The following ATP8A2 variants were observed in gnomAD, a reference collection of about 807,000 sequenced individuals.
The protein encoded by ATP8A2 is ATPase phospholipid transporting 8A2.
In ATP8A2, 100 loss-of-function variants were observed where a neutral mutation model predicts 165.6. The ratio of observed to expected loss-of-function variants is 0.60; its 90% CI spans 0.51 to 0.71. ATP8A2 has a LOEUF of 0.71. Among genes scored for constraint, ATP8A2 ranks in the 30% least tolerant of loss-of-function variants. The pLI, the probability that ATP8A2 is intolerant of heterozygous loss-of-function variation, is 0.00. For synonymous variants in ATP8A2, 543 were observed against 548.8 expected, an observed-to-expected ratio of 0.99 and a Z score of 0.15; for missense variants, 1,227 against 1,479.5, an observed-to-expected ratio of 0.83 and a Z score of 2.80.
At chr13:25,540,503 C>A in intron 8 of ATP8A2, 115 bp downstream of exon 8, 1 of 753,186 alleles carries the variant, frequency 1.3e-6, no homozygotes, top group Non-Finnish European at 2.3e-6. Flanking sequence ...TATGCCTTAG[C>A]CCTAATGGAA....
At chr13:25,500,138 C>T (rs2036808389) in intron 2 of ATP8A2, among the ~76,000 whole-genome samples, 1 of 152,106 alleles carries the variant, frequency 6.6e-6, no homozygotes, top group Non-Finnish European at 1.5e-5. Flanking sequence ...ATTGCCTGCT[C>T]CCTTCTTATC....
Position 25,530,594 on chromosome 13 carries a change from T to G in ATP8A2, c.354T>G (p.Tyr118Ter). The G allele has an allele frequency of 6.3e-7, 1 of 1,591,256 alleles. No homozygotes were observed. Among genetic ancestry groups the G allele is most frequent in the Non-Finnish European group, 8.6e-7 (1 of 1,165,508 alleles). ...CAGATGTATCTCCAACAGGAAGATA[T>G]ACCACCCTGGTGCCATTGATCATTA... ...QIPDVSPTGR[Y>*]TTLVPLIIIL... Residue 118 changes from tyrosine to a stop codon, truncating the protein, a stop_gained, in exon 4 of 37, where the codon TAT (tyrosine) becomes TAG (stop). Transcript: ENST00000381655. LOFTEE classifies it high-confidence loss of function.
chr13:25,402,053 G>A (rs1355442928), intron 1 of ATP8A2, among the ~76,000 whole-genome samples: 1 of 152,018 alleles, frequency 6.6e-6, no homozygotes, highest in Non-Finnish European at 1.5e-5. Context: ...AGGGCTACTT[G>A]AATCCTAGCA....
chr13:25,674,043 C>T (rs1490085881), intron 24 of ATP8A2, among the ~76,000 whole-genome samples: 1 of 152,136 alleles, frequency 6.6e-6, no homozygotes, highest in Non-Finnish European at 1.5e-5. Flanking sequence ...TTTGGTTCCA[C>T]CATGGCTACA....
chr13:25,648,762 T>C (rs4438155), intron 24 of ATP8A2, among the ~76,000 whole-genome samples: 150,693 of 152,336 alleles, frequency 0.99, 74,547 homozygotes, highest in East Asian at 1. Flanking sequence ...ACATGTAATA[T>C]GTAATGCAAT....
intron 1 of ATP8A2, among the ~76,000 whole-genome samples, chr13:25,375,903 G>T (rs1300679732): frequency 6.6e-6 from 1 of 152,060 alleles, no homozygotes; most frequent in Non-Finnish European, 1.5e-5. Context: ...TGCCCCTGGA[G>T]CCCTCCTCTA....
intron 2 of ATP8A2, among the ~76,000 whole-genome samples, chr13:25,508,820 C>A (rs530578538): frequency 4.0e-4 from 61 of 152,350 alleles, no homozygotes; most frequent in African/African-American, 1.4e-3. Flanking sequence ...GGGACCTTAC[C>A]AATGTAGACA....
intron 24 of ATP8A2, among the ~76,000 whole-genome samples, chr13:25,599,707 A>T (rs183299538): frequency 6.6e-6 from 1 of 152,338 alleles, no homozygotes; most frequent in Non-Finnish European, 1.5e-5. Flanking sequence ...GAAGACCAGA[A>T]TAGTGCATCT....
At chr13:25,651,680 A>G (rs997877701) in intron 24 of ATP8A2, among the ~76,000 whole-genome samples, 1 of 151,960 alleles carries the variant, frequency 6.6e-6, no homozygotes, top group Admixed American at 6.6e-5. Flanking sequence ...TCAAAGGACA[A>G]CCTTTTGGCT....
chr13:25,726,963 A>G (rs2043507813), intron 25 of ATP8A2, among the ~76,000 whole-genome samples: 1 of 152,158 alleles, frequency 6.6e-6, no homozygotes, highest in South Asian at 2.1e-4. Context: ...GTGGACAGAT[A>G]CATACATGTG....
At position 25,578,833 on chromosome 13, in the gene ATP8A2, A is replaced by C; in HGVS notation, c.1801A>C (p.Arg601=). The change falls in exon 21 of 37, where the codon AGA becomes CGA. Residue 601 remains arginine (R), a synonymous_variant. Transcript: ENST00000381655. ...TTTATAGGATAATGTGATTTTTGAG[A>C]GACTTTCAAAAGACTCAAAATATAT... The part of the protein sequence containing the change: ...CKGADNVIFE[R]LSKDSKYMEE... The C allele has an allele frequency of 1.2e-6, 2 of 1,600,550 alleles. No homozygotes were observed. The highest frequency in any genetic ancestry group is 1.7e-6 in the Non-Finnish European group (2 of 1,167,742).
At chr13:25,588,768 C>T (rs896517426) in intron 23 of ATP8A2, among the ~76,000 whole-genome samples, 8 of 152,158 alleles carry the variant, frequency 5.3e-5, no homozygotes, top group African/African-American at 1.2e-4. Context: ...CACAAGTCGT[C>T]GCTAACCCCC....
chr13:25,392,064 T>G (rs1436933999), intron 1 of ATP8A2, among the ~76,000 whole-genome samples: 1 of 152,194 alleles, frequency 6.6e-6, no homozygotes, highest in East Asian at 1.9e-4. Flanking sequence ...GATAGTGCAG[T>G]GAGCTCAGCC....
At chr13:25,669,090 T>C (rs2042213300) in intron 24 of ATP8A2, among the ~76,000 whole-genome samples, 1 of 152,070 alleles carries the variant, frequency 6.6e-6, no homozygotes, top group African/African-American at 2.4e-5. Flanking sequence ...GACATACTTT[T>C]TTGTTTTTTG....
intron 25 of ATP8A2, among the ~76,000 whole-genome samples, chr13:25,746,383 T>C (rs2044032312): frequency 6.6e-6 from 1 of 152,174 alleles, no homozygotes; most frequent in Non-Finnish European, 1.5e-5. Flanking sequence ...ACTTGGGAAA[T>C]GAGAACAGTG....
At chr13:25,942,684 G>T (rs1303158707) in intron 33 of ATP8A2, among the ~76,000 whole-genome samples, 1 of 152,146 alleles carries the variant, frequency 6.6e-6, no homozygotes, top group Admixed American at 6.5e-5. Context: ...TCGGCCTCCC[G>T]AAGTGCTGGG....
chr13:25,937,848 CAAAA>C (rs57258286), intron 33 of ATP8A2, among the ~76,000 whole-genome samples: 968 of 83,630 alleles, frequency 0.012, 6 homozygotes, highest in African/African-American at 0.029. Context: ...GACTCCGTCT[CAAAA>C]AAAAAAAAAA....
chr13:25,971,032 G>A lies in ATP8A2; in HGVS notation c.3377+2353G>A, dbSNP rs189433286. Reference sequence around the variant, plus strand: ...TGTGTGTGTTTCTGTGCACGTGTGCGCGCACACATGCACGGGTGGGCCTGC... The same window carrying A: ...TGTGTGTGTTTCTGTGCACGTGTGCACGCACACATGCACGGGTGGGCCTGC... On this transcript the variant is annotated intron_variant, in intron 35 of 36. Transcript: ENST00000381655. Among the ~76,000 whole-genome samples, 80 of 152,126 alleles carry A rather than the reference G, an allele frequency of 5.3e-4. 1 individual carries two copies. The South Asian group carries it at 6.7e-3, about 13-fold the overall frequency.
intron 13 of ATP8A2, among the ~76,000 whole-genome samples, chr13:25,558,646 C>T (rs937042710): frequency 1.3e-5 from 2 of 151,944 alleles, no homozygotes; most frequent in African/African-American, 4.8e-5. Context: ...AATTACTCTC[C>T]CTCACTAATC....
Sources: allele counts gnomAD v4.1 joint callset (sites outside exome capture counted in the v4.1 genomes callset), GRCh38; gene constraint gnomAD v4.1.1; transcripts MANE v1.5; gene names NCBI Gene and HGNC (gene_info 2026-07-23, HGNC 2026-07-21).